Variants in RORA observed in about 807,000 individuals in gnomAD.
RORA encodes the protein RAR related orphan receptor A, also known as nuclear receptor ROR-alpha.
RORA carries 7 observed loss-of-function variants against 69.5 expected under a neutral mutation model. The observed-to-expected ratio is 0.10, with a 90% CI of 0.06 to 0.19. The LOEUF is 0.19. Ranked by LOEUF, RORA falls within the 10% of genes least tolerant of loss-of-function variation. The pLI is 1.00. For missense variants in RORA, 457 were observed against 663.0 expected, an observed-to-expected ratio of 0.69 and a Z score of 3.41; for synonymous variants, 261 against 240.8, an observed-to-expected ratio of 1.08 and a Z score of -0.78.
rs118141424 is a variant in RORA, at chr15:60,870,363, C to T, written c.167-191677G>A. ...AAGTGCACCTAAGAGCTATGGACAG[C>T]GATTTTTGTGGATTTTAGAGGAGAA... On this transcript the variant is annotated intron_variant, in intron 1 of 10. Coordinates refer to ENST00000335670, the MANE Select transcript of RORA (RefSeq NM_134261.3). 5.0e-3 allele frequency among the ~76,000 whole-genome samples: 754 copies of T among 152,216 alleles called. 5 individuals are homozygous for T. Among genetic ancestry groups the T allele is most frequent in the Non-Finnish European group, 8.1e-3 (554 of 67,998 alleles).
chr15:60,681,186 A>G (rs984611948), intron 1 of RORA, among the ~76,000 whole-genome samples: 10 of 152,216 alleles, frequency 6.6e-5, no homozygotes, highest in African/African-American at 2.4e-4. Context: ...AGCAGAAAAC[A>G]TCCTTTTCAT....
At chr15:60,896,791 G>A (rs1004634852) in intron 1 of RORA, among the ~76,000 whole-genome samples, 1 of 146,504 alleles carries the variant, frequency 6.8e-6, no homozygotes, top group African/African-American at 2.6e-5. Context: ...GAATGACACA[G>A]GCCTGAGTGG....
At chr15:61,009,881 C>T (rs1010196529) in intron 1 of RORA, among the ~76,000 whole-genome samples, 3 of 152,112 alleles carry the variant, frequency 2.0e-5, no homozygotes, top group Non-Finnish European at 2.9e-5. Context: ...GAAATAAAGA[C>T]CCAAACAGGG....
chr15:61,007,395 A>T (rs555682646), intron 1 of RORA, among the ~76,000 whole-genome samples: 1 of 152,284 alleles, frequency 6.6e-6, no homozygotes, highest in South Asian at 2.1e-4. Flanking sequence ...AATAACATTC[A>T]TCCATAGGTA....
At chr15:60,839,671 T>C (rs1041334903) in intron 1 of RORA, among the ~76,000 whole-genome samples, 2 of 152,258 alleles carry the variant, frequency 1.3e-5, no homozygotes, top group Non-Finnish European at 1.5e-5. Flanking sequence ...GAGAGCACCA[T>C]TGTATTCCAT....
At chr15:60,753,348 A>G (rs2071753909) in intron 1 of RORA, among the ~76,000 whole-genome samples, 1 of 152,216 alleles carries the variant, frequency 6.6e-6, no homozygotes, top group Non-Finnish European at 1.5e-5. Flanking sequence ...TAATCCATCC[A>G]TTCAACAAGT....
chr15:60,873,579 C>A (rs1054479890), intron 1 of RORA, among the ~76,000 whole-genome samples: 5 of 152,098 alleles, frequency 3.3e-5, no homozygotes, highest in Non-Finnish European at 7.4e-5. Context: ...AGAATGACAA[C>A]ATTTTATGAC....
intron 2 of RORA, among the ~76,000 whole-genome samples, chr15:60,544,080 C>G (rs1055362403): frequency 2.6e-5 from 4 of 152,194 alleles, no homozygotes; most frequent in African/African-American, 9.7e-5. Context: ...GAGGCTCTCA[C>G]AACTGCCTGT....
At chr15:60,634,187 G>T (rs1379461319) in intron 2 of RORA, among the ~76,000 whole-genome samples, 1 of 152,058 alleles carries the variant, frequency 6.6e-6, no homozygotes. Flanking sequence ...AATTGTAATT[G>T]TCTATTACTT....
intron 2 of RORA, among the ~76,000 whole-genome samples, chr15:60,541,450 A>C (rs2066869562): frequency 6.6e-6 from 1 of 152,236 alleles, no homozygotes; most frequent in African/African-American, 2.4e-5. Context: ...TGCTGATTAA[A>C]GAAACATTTC....
chr15:61,201,478 G>C (rs912745131), intron 1 of RORA, among the ~76,000 whole-genome samples: 13 of 152,196 alleles, frequency 8.5e-5, no homozygotes, highest in African/African-American at 2.4e-4. Flanking sequence ...AGGTTTCTCT[G>C]TAAACATGAT....
At chr15:60,915,202 G>C (rs1040387592) in intron 1 of RORA, among the ~76,000 whole-genome samples, 23 of 152,228 alleles carry the variant, frequency 1.5e-4, no homozygotes, top group African/African-American at 5.5e-4. Context: ...TATCTCTGTA[G>C]CCTGCTCTCC....
At chr15:60,768,733 G>T (rs2072025704) in intron 1 of RORA, among the ~76,000 whole-genome samples, 1 of 152,182 alleles carries the variant, frequency 6.6e-6, no homozygotes, top group Non-Finnish European at 1.5e-5. Flanking sequence ...GTGAAGGCTG[G>T]CCTGATAAAA....
At chr15:61,218,674 T>TCACACGCACACA (rs2080064554) in intron 1 of RORA, among the ~76,000 whole-genome samples, 1 of 142,840 alleles carries the variant, frequency 7.0e-6, no homozygotes, top group South Asian at 2.4e-4. Context: ...CTAATATAAC[T>TCACACGCACACA]CACACACACA....
At chr15:60,520,867 A>C (rs1200013972) in intron 3 of RORA, among the ~76,000 whole-genome samples, 1 of 152,184 alleles carries the variant, frequency 6.6e-6, no homozygotes, top group Non-Finnish European at 1.5e-5. Context: ...ATACATGGAG[A>C]TGTTCATTTA....
chr15:60,983,587 A>G (rs1475588398), intron 1 of RORA, among the ~76,000 whole-genome samples: 1 of 152,190 alleles, frequency 6.6e-6, no homozygotes, highest in Non-Finnish European at 1.5e-5. Context: ...CTACATAATA[A>G]GAACCTTGGT....
intron 1 of RORA, among the ~76,000 whole-genome samples, chr15:61,124,295 T>C (rs1458806382): frequency 4.6e-5 from 7 of 152,232 alleles, no homozygotes; most frequent in African/African-American, 1.7e-4. Context: ...TAATAATTCA[T>C]GCTGGTAGGT....
chr15:60,522,837 C>G (rs1239195356), intron 3 of RORA, among the ~76,000 whole-genome samples: 1 of 149,990 alleles, frequency 6.7e-6, no homozygotes, highest in African/African-American at 2.5e-5. Context: ...TTTGGGAGGC[C>G]GAGGTGGGCA....
intron 1 of RORA, among the ~76,000 whole-genome samples, chr15:60,958,471 C>G (rs1248961756): frequency 6.6e-6 from 1 of 152,030 alleles, no homozygotes; most frequent in African/African-American, 2.4e-5. Context: ...ATAAATTTTG[C>G]CCCTGAAACT....
Sources: allele counts gnomAD v4.1 joint callset (sites outside exome capture counted in the v4.1 genomes callset), GRCh38; gene constraint gnomAD v4.1.1; transcripts MANE v1.5; gene names NCBI Gene and HGNC (gene_info 2026-07-23, HGNC 2026-07-21).